PIP5K1C: variants seen among roughly 807,000 people sequenced by gnomAD.
PIP5K1C encodes the protein phosphatidylinositol 4-phosphate 5-kinase type-1 gamma.
A neutral mutation model predicts 80.1 loss-of-function variants in PIP5K1C; 45 were observed. The ratio of observed to expected loss-of-function variants is 0.56; its 90% CI spans 0.44 to 0.72. The LOEUF is 0.72. PIP5K1C is among the 30% of genes least tolerant of loss of function. The probability of loss-of-function intolerance (pLI) is 0.00; values close to 1 mark genes in which losing one functional copy is unlikely to be tolerated. For synonymous variants in PIP5K1C, 498 were observed against 420.1 expected (o/e 1.19, Z -2.27); for missense variants, 753 against 954.6 (o/e 0.79, Z 2.78).
chr19:3,685,446 T>C (rs1281654461), intron 1 of PIP5K1C, among the ~76,000 whole-genome samples: 2 of 152,104 alleles, frequency 1.3e-5, no homozygotes, highest in Non-Finnish European at 2.9e-5. Context: ...GAAAGTTTTA[T>C]TGGGCCAGGC....
At chr19:3,667,380 G>A (rs1429116070) in intron 1 of PIP5K1C, 27 bp from the exon 2 acceptor site, 1 of 1,612,712 alleles carries the variant, frequency 6.2e-7, no homozygotes, top group Non-Finnish European at 8.5e-7. Flanking sequence ...CTGGGTATCA[G>A]ACAGGAAACC....
Position 3,646,047 on chromosome 19 carries a change from G to T in PIP5K1C, c.1272C>A (p.Ser424=). 1 of 1,611,878 alleles carries T rather than the reference G, an allele frequency of 6.2e-7. No individual in the cohort carries two copies. Among genetic ancestry groups the T allele is most frequent in the Non-Finnish European group, 8.5e-7 (1 of 1,178,938 alleles). The change falls in exon 11 of 18, where the codon TCC becomes TCA. Residue 424 remains serine (S), a synonymous_variant. Transcript: ENST00000335312. ...KALVHDGDTV[S]VHRPSFYAER... ...CGGCATAGAAGCTGGGGCGGTGGACGGACACCGTGTCCTGGAAGAGAGTTG... is the reference window on the plus strand; with the variant it reads ...CGGCATAGAAGCTGGGGCGGTGGACTGACACCGTGTCCTGGAAGAGAGTTG...
chr19:3,698,031 G>A (rs1200499285), intron 1 of PIP5K1C, among the ~76,000 whole-genome samples: 2 of 152,246 alleles, frequency 1.3e-5, no homozygotes, highest in Non-Finnish European at 1.5e-5. Flanking sequence ...GATGACACTG[G>A]GAGCTGGCAG....
chr19:3,639,030 T>C lies in PIP5K1C; in HGVS notation c.1788-14A>G. On this transcript the variant is annotated splice_polypyrimidine_tract_variant and intron_variant, in intron 15 of 17. Transcript: ENST00000335312. ...GAAGCCTCCACCCTGGGGACAGGAG[T>C]AGACAGAGGGTCTTGACCCTCAGGC... 2 of 1,608,228 alleles carry C rather than the reference T, an allele frequency of 1.2e-6. No homozygotes were observed. Among genetic ancestry groups the C allele is most frequent in the Non-Finnish European group, 1.7e-6 (2 of 1,179,584 alleles).
intron 14 of PIP5K1C, among the ~76,000 whole-genome samples, chr19:3,642,423 CT>C (rs1278285139): frequency 6.6e-6 from 1 of 151,988 alleles, no homozygotes; most frequent in African/African-American, 2.4e-5. Context: ...GCACCCACCC[CT>C]GAGATCCCCG....
chr19:3,676,280 G>A (rs568318511), intron 1 of PIP5K1C, among the ~76,000 whole-genome samples: 3 of 152,104 alleles, frequency 2.0e-5, no homozygotes, highest in East Asian at 1.9e-4. Flanking sequence ...GTACCTGCCC[G>A]GCCCTGCAGC....
intron 16 of PIP5K1C, chr19:3,636,315 G>T: frequency 1.1e-6 from 1 of 915,972 alleles, no homozygotes; most frequent in Non-Finnish European, 1.3e-6. Flanking sequence ...AGGAAGACCA[G>T]AACCAAGGGC....
At chr19:3,638,210 G>A (rs993515407) in intron 16 of PIP5K1C, among the ~76,000 whole-genome samples, 5 of 152,126 alleles carry the variant, frequency 3.3e-5, no homozygotes, top group African/African-American at 7.2e-5. Flanking sequence ...GAGTGGAGAC[G>A]CTGCCTGGAC....
At chr19:3,652,910 G>A (rs937841827) in intron 7 of PIP5K1C, among the ~76,000 whole-genome samples, 2 of 152,178 alleles carry the variant, frequency 1.3e-5, no homozygotes, top group African/African-American at 4.8e-5. Flanking sequence ...ACCTCCAGAG[G>A]AACCACTTCT....
Position 3,637,783 on chromosome 19 carries a change from G to A in PIP5K1C, c.1920+1101C>T, listed in dbSNP as rs748158298. 2.9e-5 allele frequency: 44 copies of A among 1,533,668 alleles called. No homozygotes were observed. Among genetic ancestry groups the A allele is most frequent in the Admixed American group, 2.7e-4 (14 of 50,974 alleles). On this transcript the variant is annotated intron_variant, in intron 16 of 17. Transcript: ENST00000335312. This position sits in a 1 kb window ranked among gnomAD's most constrained non-coding sequence, Gnocchi z 7.0. ...GGGGTGCCGGGGCAGGGGCAGGACC[G>A]AGGACCCTTCTCCCTTCTCTGCTGC...
chr19:3,671,425 C>T (rs926001938), intron 1 of PIP5K1C, among the ~76,000 whole-genome samples: 1 of 152,246 alleles, frequency 6.6e-6, no homozygotes. Context: ...CTCAGTTTCC[C>T]TCTGTGGTTC....
chr19:3,633,281 G>T, intron 17 of PIP5K1C, 112 bp from the exon 18 acceptor site: 4 of 674,462 alleles, frequency 5.9e-6, no homozygotes, highest in Non-Finnish European at 1.1e-5. Context: ...CTTAGCCCAC[G>T]GCCACCTCAG....
chr19:3,635,385 A>G (rs1191857010), intron 16 of PIP5K1C, among the ~76,000 whole-genome samples: 1 of 152,142 alleles, frequency 6.6e-6, no homozygotes, highest in Non-Finnish European at 1.5e-5. Flanking sequence ...TATCTCTACT[A>G]AAAATACAAA....
chr19:3,693,279 C>T (rs2035998607), intron 1 of PIP5K1C, among the ~76,000 whole-genome samples: 2 of 152,148 alleles, frequency 1.3e-5, no homozygotes, highest in South Asian at 2.1e-4. Flanking sequence ...GGAGAGCGGC[C>T]GGGCAGGGTG....
intron 1 of PIP5K1C, among the ~76,000 whole-genome samples, chr19:3,695,944 T>G (rs1486706097): frequency 6.6e-6 from 1 of 152,120 alleles, no homozygotes; most frequent in Non-Finnish European, 1.5e-5. Context: ...TGCTCCAGGC[T>G]GGTCTCAAAC....
At chr19:3,654,298 A>G (rs1299908648) in intron 6 of PIP5K1C, among the ~76,000 whole-genome samples, 1 of 152,186 alleles carries the variant, frequency 6.6e-6, no homozygotes, top group East Asian at 1.9e-4. Context: ...ACTCAGGGGC[A>G]CCCAAGTGAA....
intron 1 of PIP5K1C, 71 bp from the exon 2 acceptor site, chr19:3,667,424 G>A: frequency 6.3e-7 from 1 of 1,579,622 alleles, no homozygotes; most frequent in Admixed American, 1.7e-5. Flanking sequence ...CCAGCCCCCG[G>A]CCCACCTTCT....
intron 1 of PIP5K1C, among the ~76,000 whole-genome samples, chr19:3,695,729 CTTT>C (rs35334182): frequency 6.1e-5 from 8 of 130,970 alleles, no homozygotes; most frequent in South Asian, 2.5e-4. Context: ...CCCACTGACC[CTTT>C]TTTTTTTTTT....
chr19:3,641,380 C>T (rs1184492880), intron 15 of PIP5K1C, among the ~76,000 whole-genome samples: 3 of 152,176 alleles, frequency 2.0e-5, no homozygotes, highest in African/African-American at 7.2e-5. Flanking sequence ...CCAGGTCCTT[C>T]TCTGGGGTGG....
Sources: allele counts gnomAD v4.1 joint callset (sites outside exome capture counted in the v4.1 genomes callset), GRCh38; gene constraint gnomAD v4.1.1; non-coding constraint Gnocchi (gnomAD v3.1); transcripts MANE v1.5; gene names NCBI Gene and HGNC (gene_info 2026-07-23, HGNC 2026-07-21).